Variants in PCDHGA8 observed in about 807,000 individuals in gnomAD.
The protein encoded by PCDHGA8 is protocadherin gamma-A8.
PCDHGA8 carries 45 observed loss-of-function variants against 59.2 expected under a neutral mutation model. The observed-to-expected ratio is 0.76, with a 90% CI of 0.60 to 0.98. The LOEUF is 0.98. Ranked by LOEUF, PCDHGA8 falls within the 50% of genes least tolerant of loss-of-function variation. PCDHGA8 has a pLI of 0.00. For synonymous variants in PCDHGA8, 531 were observed against 519.0 expected, an observed-to-expected ratio of 1.02 and a Z score of -0.32; for missense variants, 1,257 against 1,196.2, an observed-to-expected ratio of 1.05 and a Z score of -0.75.
chr5:141,410,660 T>C (rs911543817), intron 1 of PCDHGA8: 12 of 1,572,396 alleles, frequency 7.6e-6, no homozygotes, highest in African/African-American at 2.7e-5. Context: ...TCTAATAGTC[T>C]ACTAGTTTCT....
At chr5:141,472,219 A>C (rs2099274667) in intron 1 of PCDHGA8, among the ~76,000 whole-genome samples, 1 of 152,210 alleles carries the variant, frequency 6.6e-6, no homozygotes, top group Non-Finnish European at 1.5e-5. Context: ...CTTACTCTCG[A>C]TCATATAATA....
intron 1 of PCDHGA8, chr5:141,400,386 A>G (rs766907172): frequency 5.0e-6 from 8 of 1,614,040 alleles, no homozygotes; most frequent in Non-Finnish European, 5.1e-6. Context: ...TATGTGTTGC[A>G]CATACAGGAA....
chr5:141,455,466 A>G (rs1253494886), intron 1 of PCDHGA8, among the ~76,000 whole-genome samples: 1 of 152,164 alleles, frequency 6.6e-6, no homozygotes, highest in East Asian at 1.9e-4. Flanking sequence ...AGCCAGGTAT[A>G]TATGCAGAGG....
intron 1 of PCDHGA8, chr5:141,423,881 G>A (rs2096788712): frequency 7.8e-7 from 1 of 1,281,784 alleles, no homozygotes; most frequent in Non-Finnish European, 9.9e-7. Flanking sequence ...TTCAATCTTG[G>A]CATATTTTCT....
intron 1 of PCDHGA8, chr5:141,404,969 G>T (rs2094589920): frequency 6.2e-7 from 1 of 1,613,964 alleles, no homozygotes; most frequent in East Asian, 2.2e-5. Context: ...AGACATCCTG[G>T]CTGACCTGGG....
chr5:141,401,189 A>G (rs2094126174), intron 1 of PCDHGA8, among the ~76,000 whole-genome samples: 1 of 152,144 alleles, frequency 6.6e-6, no homozygotes, highest in South Asian at 2.1e-4. Context: ...TAAAAATACA[A>G]AAATTAGCTG....
chr5:141,428,168 C>A, intron 1 of PCDHGA8: 1 of 1,551,608 alleles, frequency 6.4e-7, no homozygotes, highest in Non-Finnish European at 8.8e-7. Context: ...GGTTGCTGTG[C>A]GTGACGGAGG....
rs542816387 is a variant in PCDHGA8, at chr5:141,394,624, T to C, written c.1811T>C (p.Leu604Pro). ...VDRDSGQNAWLSYRLLKASEP... is the reference protein window; with the variant it reads ...VDRDSGQNAWPSYRLLKASEP... ...AGAGACTCGGGCCAGAACGCCTGGC[T>C]GTCCTACCGCCTGCTCAAGGCCAGC... is the stretch of plus-strand genomic sequence containing the variant. Residue 604 changes from leucine (L) to proline (P), a missense_variant, in exon 1 of 4, where the codon CTG becomes CCG. Coordinates refer to ENST00000398604, the MANE Select transcript of PCDHGA8 (RefSeq NM_032088.2). 6.2e-7 allele frequency: 1 copy of C among 1,613,110 alleles called. No individual in the cohort carries two copies. Among genetic ancestry groups the C allele is most frequent in the African/African-American group, 1.3e-5 (1 of 74,866 alleles).
chr5:141,485,827 G>A lies in PCDHGA8; in HGVS notation c.2425-8980G>A. 1 of 1,614,154 alleles carries A rather than the reference G, an allele frequency of 6.2e-7. No individual in the cohort carries two copies. The highest frequency in any genetic ancestry group is 1.1e-5 in the South Asian group (1 of 91,080). On this transcript the variant is annotated intron_variant, in intron 1 of 3. Coordinates refer to ENST00000398604, the MANE Select transcript of PCDHGA8 (RefSeq NM_032088.2). The surrounding 1 kb of genome is among the most constrained non-coding windows in gnomAD (Gnocchi z 5.7). Reference sequence around the variant, plus strand: ...TGGTGCTGACTGCTGTCGATGGAGGGAACCCGCCGAGATCTGGCACCGCAG... The same window carrying A: ...TGGTGCTGACTGCTGTCGATGGAGGAAACCCGCCGAGATCTGGCACCGCAG...
At position 141,490,745 on chromosome 5, in the gene PCDHGA8, C is replaced by A. The variant is rs769031787; in HGVS notation, c.2425-4062C>A. 1 of 1,614,238 alleles carries A rather than the reference C, an allele frequency of 6.2e-7. No homozygotes were observed. Among genetic ancestry groups the A allele is most frequent in the Non-Finnish European group, 8.5e-7 (1 of 1,180,042 alleles). ...GTAGGAAATCAGGTTCAGGGAGCCCCAGCCTCCTCCTTTGTGTATGTCAAC... is the reference window on the plus strand; with the variant it reads ...GTAGGAAATCAGGTTCAGGGAGCCCAAGCCTCCTCCTTTGTGTATGTCAAC... On this transcript the variant is annotated intron_variant, in intron 1 of 3. Transcript: ENST00000398604. The surrounding 1 kb of genome is among the most constrained non-coding windows in gnomAD (Gnocchi z 5.4).
At chr5:141,433,404 TATTA>T (rs142533293) in intron 1 of PCDHGA8, among the ~76,000 whole-genome samples, 252 of 146,310 alleles carry the variant, frequency 1.7e-3, no homozygotes, top group African/African-American at 6.2e-3. Context: ...TCTATCTATC[TATTA>T]CTTTCTTGTA....
In PCDHGA8 at chr5:141,485,944, G is replaced by A; in HGVS notation, c.2425-8863G>A. 1.2e-6 allele frequency: 2 copies of A among 1,614,116 alleles called. No homozygotes were observed. The highest frequency in any genetic ancestry group is 1.7e-6 in the Non-Finnish European group (2 of 1,180,020). ...TTAGTGTGTTGGAGAGCGCACCAGC[G>A]GGCATGGTGCTCATCCAGCTCAATG... On this transcript the variant is annotated intron_variant, in intron 1 of 3. Coordinates refer to ENST00000398604, the MANE Select transcript of PCDHGA8 (RefSeq NM_032088.2). This position sits in a 1 kb window ranked among gnomAD's most constrained non-coding sequence, Gnocchi z 5.7.
chr5:141,436,287 T>A (rs565612572), intron 1 of PCDHGA8, among the ~76,000 whole-genome samples: 1 of 152,262 alleles, frequency 6.6e-6, no homozygotes, highest in Admixed American at 6.5e-5. Context: ...TAGGAACAAA[T>A]CATTGAGAGT....
At chr5:141,510,518 G>A (rs904482737) in intron 3 of PCDHGA8, among the ~76,000 whole-genome samples, 9 of 152,112 alleles carry the variant, frequency 5.9e-5, no homozygotes, top group Non-Finnish European at 1.0e-4. Flanking sequence ...CCGTGTCACA[G>A]CCCTGAGAGA....
intron 1 of PCDHGA8, among the ~76,000 whole-genome samples, chr5:141,454,172 CAGCTAAAGG>C (rs1351117555): frequency 6.6e-6 from 1 of 152,126 alleles, no homozygotes; most frequent in Admixed American, 6.5e-5. Context: ...TCTAGAAGGG[CAGCTAAAGG>C]AGCTTAGTGA....
At position 141,431,367 on chromosome 5, in the gene PCDHGA8, A is replaced by G; in HGVS notation, c.2424+36130A>G. 1.2e-6 allele frequency: 2 copies of G among 1,613,984 alleles called. No homozygotes were observed. The highest frequency in any genetic ancestry group is 2.2e-5 in the South Asian group (2 of 91,084). On this transcript the variant is annotated intron_variant, in intron 1 of 3. Coordinates refer to ENST00000398604, the MANE Select transcript of PCDHGA8 (RefSeq NM_032088.2). This position sits in a 1 kb window ranked among gnomAD's most constrained non-coding sequence, Gnocchi z 4.8. ...GTGCTGAAACGCGCCCTGGACCGCGAAGAAAAGGCTGCTCACCACCTGGTC... is the reference window on the plus strand; with the variant it reads ...GTGCTGAAACGCGCCCTGGACCGCGGAGAAAAGGCTGCTCACCACCTGGTC...
In PCDHGA8 at chr5:141,433,032, C is replaced by T. The variant is rs751061646; in HGVS notation, c.2424+37795C>T. The T allele has an allele frequency of 2.5e-6, 4 of 1,614,188 alleles. No homozygotes were observed. Among genetic ancestry groups the T allele is most frequent in the African/African-American group, 2.7e-5 (2 of 75,058 alleles). On this transcript the variant is annotated intron_variant, in intron 1 of 3. Transcript: ENST00000398604. ...CTGCAGACCTATTCCCACGAGGTTTCCCTCACCACGGACTCGCGGAAGAGT... is the reference window on the plus strand; with the variant it reads ...CTGCAGACCTATTCCCACGAGGTTTTCCTCACCACGGACTCGCGGAAGAGT...
At chr5:141,451,185 T>C (rs900513875) in intron 1 of PCDHGA8, among the ~76,000 whole-genome samples, 1 of 152,182 alleles carries the variant, frequency 6.6e-6, no homozygotes, top group Non-Finnish European at 1.5e-5. Context: ...GCCATTGCTG[T>C]GTAACAAATT....
At chr5:141,434,785 T>A (rs7727021) in intron 1 of PCDHGA8, among the ~76,000 whole-genome samples, 45,585 of 150,884 alleles carry the variant, frequency 0.3, 8,100 homozygotes, top group African/African-American at 0.51. Context: ...AAAAAAAAAA[T>A]TTTTTTTTCT....
Sources: gnomAD v4.1 joint callset for allele counts (sites outside exome capture counted in the v4.1 genomes callset) on GRCh38, gnomAD v4.1.1 for gene constraint, Gnocchi (gnomAD v3.1) non-coding constraint, MANE v1.5 for transcripts, NCBI Gene and HGNC (gene_info 2026-07-23, HGNC 2026-07-21) for gene names.